Variants in MEMO1 observed in about 807,000 individuals in gnomAD.
MEMO1 encodes the protein protein MEMO1.
In MEMO1, 6 loss-of-function variants were observed where a neutral mutation model predicts 45.2. That is an observed-to-expected ratio of 0.13 (90% CI 0.07 to 0.26). The LOEUF (loss-of-function observed/expected upper bound fraction) is 0.26. Among genes scored for constraint, MEMO1 ranks in the 10% least tolerant of loss-of-function variants. The pLI is 1.00. For missense variants in MEMO1, 184 were observed against 370.5 expected, an observed-to-expected ratio of 0.50 and a Z score of 4.13; for synonymous variants, 78 against 124.3, an observed-to-expected ratio of 0.63 and a Z score of 2.48.
intron 2 of MEMO1, among the ~76,000 whole-genome samples, chr2:31,990,987 A>C (rs981289305): frequency 6.6e-6 from 1 of 152,182 alleles, no homozygotes; most frequent in African/African-American, 2.4e-5. Context: ...GCCACCCAAA[A>C]AAGGGGGGTA....
At chr2:31,904,520 C>T (rs1430523703) in intron 6 of MEMO1, among the ~76,000 whole-genome samples, 1 of 152,202 alleles carries the variant, frequency 6.6e-6, no homozygotes, top group African/African-American at 2.4e-5. Context: ...CAGTACACAC[C>T]TGTAACTGGA....
At chr2:31,955,995 T>C (rs72796839) in intron 2 of MEMO1, among the ~76,000 whole-genome samples, 4,045 of 152,262 alleles carry the variant, frequency 0.027, 90 homozygotes, top group Middle Eastern at 0.044. Flanking sequence ...ATGTTTACCG[T>C]CTGACAAAAG....
intron 7 of MEMO1, among the ~76,000 whole-genome samples, chr2:31,883,927 G>A (rs554389989): frequency 1.7e-4 from 26 of 150,436 alleles, no homozygotes; most frequent in Non-Finnish European, 3.5e-4. Flanking sequence ...CCATGAGGTC[G>A]CAAATACTGT....
chr2:31,980,884 A>G (rs2148500158), intron 2 of MEMO1, among the ~76,000 whole-genome samples: 1 of 152,336 alleles, frequency 6.6e-6, no homozygotes, highest in African/African-American at 2.4e-5. Context: ...GGACCCTTCC[A>G]TCTAGCAACA....
At chr2:31,928,546 CAA>C (rs11340855) in intron 4 of MEMO1, among the ~76,000 whole-genome samples, 97 of 105,430 alleles carry the variant, frequency 9.2e-4, no homozygotes, top group Non-Finnish European at 1.2e-3. Context: ...GACTCCATCT[CAA>C]AAAAAAAAAA....
intron 2 of MEMO1, among the ~76,000 whole-genome samples, chr2:31,951,500 C>T (rs1289770925): frequency 1.3e-5 from 2 of 150,072 alleles, no homozygotes; most frequent in Non-Finnish European, 3.0e-5. Flanking sequence ...TTACCAACTA[C>T]AAAATCTCAC....
chr2:31,893,680 C>A (rs1161610844), intron 6 of MEMO1, among the ~76,000 whole-genome samples: 1 of 152,154 alleles, frequency 6.6e-6, no homozygotes, highest in African/African-American at 2.4e-5. Context: ...ATTTCCGTAT[C>A]TGTAAAATGA....
intron 4 of MEMO1, chr2:31,923,779 T>C: frequency 1.3e-6 from 2 of 1,507,892 alleles, no homozygotes; most frequent in Non-Finnish European, 1.8e-6. Flanking sequence ...AAAATAACAA[T>C]CTAAATTCAA....
intron 2 of MEMO1, among the ~76,000 whole-genome samples, chr2:31,959,465 T>A (rs981078901): frequency 2.7e-5 from 4 of 150,194 alleles, no homozygotes; most frequent in African/African-American, 9.8e-5. Context: ...ATTAACAGAA[T>A]CCAACTCTCT....
At chr2:31,902,833 C>T (rs1266648412) in intron 6 of MEMO1, among the ~76,000 whole-genome samples, 1 of 151,948 alleles carries the variant, frequency 6.6e-6, no homozygotes, top group Admixed American at 6.6e-5. Flanking sequence ...CTCACTGCAG[C>T]CTCAAACTCC....
intron 8 of MEMO1, among the ~76,000 whole-genome samples, chr2:31,880,874 A>G (rs898632551): frequency 5.9e-5 from 9 of 152,086 alleles, no homozygotes; most frequent in African/African-American, 2.2e-4. Context: ...AATAAAAATA[A>G]TTAGCCGGGC....
intron 2 of MEMO1, among the ~76,000 whole-genome samples, chr2:31,944,232 C>T (rs1052526382): frequency 6.6e-6 from 1 of 152,188 alleles, no homozygotes; most frequent in African/African-American, 2.4e-5. Context: ...CTAAAATGCT[C>T]AGAAATCCCA....
At chr2:32,010,729 C>T (rs1007111626) in intron 1 of MEMO1, among the ~76,000 whole-genome samples, 7 of 150,346 alleles carry the variant, frequency 4.7e-5, no homozygotes, top group African/African-American at 1.5e-4. Context: ...CGGCAGGGCC[C>T]TCCAGCCCGG....
At chr2:31,978,264 G>A (rs1255617962) in intron 2 of MEMO1, among the ~76,000 whole-genome samples, 4 of 152,030 alleles carry the variant, frequency 2.6e-5, no homozygotes, top group Admixed American at 6.6e-5. Flanking sequence ...GTGGGCACCT[G>A]TAATCCCAGC....
intron 4 of MEMO1, among the ~76,000 whole-genome samples, chr2:31,930,811 A>AT (rs376524077): frequency 0.014 from 1,804 of 126,038 alleles, 13 homozygotes; most frequent in Non-Finnish European, 0.016. Context: ...ACGCCTGGCA[A>AT]TTTTTTTTTT....
chr2:31,885,166 C>G (rs1676003961), intron 7 of MEMO1, among the ~76,000 whole-genome samples: 2 of 152,156 alleles, frequency 1.3e-5, no homozygotes, highest in South Asian at 4.1e-4. Context: ...GTTGCCCAGG[C>G]TAGAGTGCAG....
At chr2:31,902,325 G>C (rs960910946) in intron 6 of MEMO1, among the ~76,000 whole-genome samples, 1 of 151,730 alleles carries the variant, frequency 6.6e-6, no homozygotes, top group Non-Finnish European at 1.5e-5. Flanking sequence ...TTGAACCTGG[G>C]AGGTGGAGGT....
At chr2:31,899,030 A>T (rs953092425) in intron 6 of MEMO1, among the ~76,000 whole-genome samples, 1 of 152,004 alleles carries the variant, frequency 6.6e-6, no homozygotes, top group African/African-American at 2.4e-5. Flanking sequence ...ACAAGGGAAT[A>T]AGAGAGAACA....
chr2:31,948,099 G>A (rs998256877), intron 2 of MEMO1, among the ~76,000 whole-genome samples: 9 of 152,112 alleles, frequency 5.9e-5, no homozygotes, highest in African/African-American at 2.2e-4. Context: ...CAATGTTGCT[G>A]GCCTATAGGC....
Sources: gnomAD v4.1 joint callset for allele counts (sites outside exome capture counted in the v4.1 genomes callset) on GRCh38, gnomAD v4.1.1 for gene constraint, MANE v1.5 for transcripts, NCBI Gene and HGNC (gene_info 2026-07-23, HGNC 2026-07-21) for gene names.